The following NRXN1 variants were observed in gnomAD, a reference collection of about 807,000 sequenced individuals.
NRXN1 encodes neurexin 1.
A neutral mutation model predicts 150.9 loss-of-function variants in NRXN1; 39 were observed. That is an observed-to-expected ratio of 0.26 (90% CI 0.20 to 0.34). The LOEUF (loss-of-function observed/expected upper bound fraction) is 0.34, where lower values mean the gene tolerates loss of function less well. Among genes scored for constraint, NRXN1 ranks in the 10% least tolerant of loss-of-function variants. NRXN1 has a pLI of 1.00. For missense variants in NRXN1, 1,815 were observed against 1,949.9 expected, an observed-to-expected ratio of 0.93 and a Z score of 1.30; for synonymous variants, 924 against 757.0, an observed-to-expected ratio of 1.22 and a Z score of -3.62.
chr2:51,018,277 AT>A (rs1476505741), intron 2 of NRXN1, among the ~76,000 whole-genome samples: 1 of 152,074 alleles, frequency 6.6e-6, no homozygotes, highest in Non-Finnish European at 1.5e-5. Flanking sequence ...GGATTGCCAG[AT>A]CCCTCCTGGG....
intron 2 of NRXN1, among the ~76,000 whole-genome samples, chr2:50,970,184 G>T (rs1694783281): frequency 1.3e-5 from 2 of 152,084 alleles, no homozygotes; most frequent in Non-Finnish European, 2.9e-5. Flanking sequence ...GGTTTTTATG[G>T]CTGGCTTTGG....
intron 2 of NRXN1, among the ~76,000 whole-genome samples, chr2:50,990,328 C>T (rs868097862): frequency 2.6e-5 from 4 of 152,162 alleles, no homozygotes; most frequent in Middle Eastern, 3.4e-3. Context: ...TAAAAACTTA[C>T]TTAAATTACT....
chr2:50,641,078 C>A (rs1381876566), intron 5 of NRXN1, among the ~76,000 whole-genome samples: 2 of 152,110 alleles, frequency 1.3e-5, no homozygotes, highest in Non-Finnish European at 2.9e-5. Context: ...CATTTGCAAA[C>A]TGCAGGCTGA....
chr2:50,265,998 A>ATTT (rs1312732112), intron 17 of NRXN1, among the ~76,000 whole-genome samples: 3 of 109,952 alleles, frequency 2.7e-5, no homozygotes, highest in Non-Finnish European at 5.7e-5. Context: ...TATTATTATT[A>ATTT]TTTATTTTTT....
At chr2:50,069,927 T>G (rs1355156869) in intron 19 of NRXN1, among the ~76,000 whole-genome samples, 1 of 149,656 alleles carries the variant, frequency 6.7e-6, no homozygotes, top group Non-Finnish European at 1.5e-5. Context: ...CTTGGCTCAC[T>G]GCAAGCTCCA....
intron 17 of NRXN1, among the ~76,000 whole-genome samples, chr2:50,394,697 T>A (rs1450637111): frequency 6.6e-6 from 1 of 152,060 alleles, no homozygotes; most frequent in African/African-American, 2.4e-5. Context: ...TTATCTTTTT[T>A]TAAAAAATAA....
At chr2:50,616,649 T>C (rs1361574563) in intron 8 of NRXN1, among the ~76,000 whole-genome samples, 1 of 152,168 alleles carries the variant, frequency 6.6e-6, no homozygotes, top group South Asian at 2.1e-4. Context: ...TTATTACTCT[T>C]GGTCAAGTAA....
At chr2:50,713,869 T>A (rs1695521989) in intron 5 of NRXN1, among the ~76,000 whole-genome samples, 1 of 152,084 alleles carries the variant, frequency 6.6e-6, no homozygotes, top group South Asian at 2.1e-4. Context: ...AAGATTGCAA[T>A]AGAAATACAA....
chr2:50,575,375 C>A (rs1161633426), intron 8 of NRXN1, among the ~76,000 whole-genome samples: 2 of 152,116 alleles, frequency 1.3e-5, no homozygotes, highest in East Asian at 1.9e-4. Flanking sequence ...CCAGGGTGGG[C>A]GACATATGGG....
At chr2:50,270,698 T>C (rs115536874) in intron 17 of NRXN1, among the ~76,000 whole-genome samples, 188 of 147,268 alleles carry the variant, frequency 1.3e-3, no homozygotes, top group Non-Finnish European at 2.0e-3. Flanking sequence ...TGAAACAGAG[T>C]CTCATTTGTT....
intron 5 of NRXN1, among the ~76,000 whole-genome samples, chr2:50,783,112 A>G (rs1003327234): frequency 6.6e-6 from 1 of 152,194 alleles, no homozygotes; most frequent in Non-Finnish European, 1.5e-5. Context: ...GGTCAAGATC[A>G]TGCATGTAGT....
intron 2 of NRXN1, among the ~76,000 whole-genome samples, chr2:50,999,806 A>T (rs1699806907): frequency 6.6e-6 from 1 of 151,950 alleles, no homozygotes; most frequent in Non-Finnish European, 1.5e-5. Flanking sequence ...ATGTGCTAAC[A>T]TTAACCAGTT....
intron 18 of NRXN1, among the ~76,000 whole-genome samples, chr2:50,208,499 G>T (rs1228286697): frequency 6.6e-6 from 1 of 152,038 alleles, no homozygotes; most frequent in Non-Finnish European, 1.5e-5. Context: ...TTGAAAAGGG[G>T]ATATAGCTTT....
intron 5 of NRXN1, among the ~76,000 whole-genome samples, chr2:50,820,687 C>T (rs1198184767): frequency 1.3e-5 from 2 of 152,084 alleles, no homozygotes; most frequent in African/African-American, 4.8e-5. Flanking sequence ...GTTTCCCAGA[C>T]GCTTCTAAAG....
rs928608397 is a variant in NRXN1 at position 50,457,451 on chromosome 2, A to G, written c.3364+7991T>C. Among the ~76,000 whole-genome samples, 4 of 152,116 alleles carry G rather than the reference A, an allele frequency of 2.6e-5. No homozygotes were observed. The East Asian group carries it at 5.8e-4, about 22-fold the overall frequency. Reference sequence around the variant, plus strand: ...ACGCATTCAAGTTCTGTTTGTGCCAACTACTAACCATTTCAGCCCAAAGAA... The same window carrying G: ...ACGCATTCAAGTTCTGTTTGTGCCAGCTACTAACCATTTCAGCCCAAAGAA... On this transcript the variant is annotated intron_variant, in intron 17 of 22. Transcript: ENST00000401669.
intron 21 of NRXN1, among the ~76,000 whole-genome samples, chr2:50,040,001 G>T (rs1170425604): frequency 6.6e-6 from 1 of 152,112 alleles, no homozygotes; most frequent in East Asian, 1.9e-4. Context: ...ATATAACTGA[G>T]ATTAGTATTG....
chr2:50,044,277 T>G (rs1691465695), intron 21 of NRXN1, among the ~76,000 whole-genome samples: 1 of 152,126 alleles, frequency 6.6e-6, no homozygotes, highest in Non-Finnish European at 1.5e-5. Flanking sequence ...AAATGTAGCT[T>G]CCCCCATATG....
chr2:50,710,245 A>T (rs572061699), intron 5 of NRXN1, among the ~76,000 whole-genome samples: 1 of 152,308 alleles, frequency 6.6e-6, no homozygotes, highest in South Asian at 2.1e-4. Context: ...TATTCCTGAT[A>T]ACTGCCAAAG....
chr2:50,054,302 G>A (rs1230012599), intron 20 of NRXN1, among the ~76,000 whole-genome samples: 5 of 151,844 alleles, frequency 3.3e-5, no homozygotes, highest in South Asian at 2.1e-4. Flanking sequence ...TACACAAACC[G>A]ATGGAGAAAT....
Sources: allele counts gnomAD v4.1 joint callset (sites outside exome capture counted in the v4.1 genomes callset), GRCh38; gene constraint gnomAD v4.1.1; transcripts MANE v1.5; gene names NCBI Gene and HGNC (gene_info 2026-07-23, HGNC 2026-07-21).